The following TNKS2 variants were observed in gnomAD, a reference collection of about 807,000 sequenced individuals.
TNKS2 encodes poly [ADP-ribose] polymerase tankyrase-2.
In TNKS2, 72 loss-of-function variants were observed where a neutral mutation model predicts 137.6. The observed-to-expected ratio is 0.52, with a 90% CI of 0.43 to 0.64. The LOEUF (loss-of-function observed/expected upper bound fraction) is 0.64, where lower values mean the gene tolerates loss of function less well. Ranked by LOEUF, TNKS2 falls within the 30% of genes least tolerant of loss-of-function variation. The pLI, the probability that TNKS2 is intolerant of heterozygous loss-of-function variation, is 0.00. For missense variants in TNKS2, 1,049 were observed against 1,410.2 expected, an observed-to-expected ratio of 0.74 and a Z score of 4.10; for synonymous variants, 516 against 512.1, an observed-to-expected ratio of 1.01 and a Z score of -0.10.
intron 1 of TNKS2, chr10:91,807,129 A>C (rs1477668088): frequency 6.7e-7 from 1 of 1,490,722 alleles, no homozygotes; most frequent in Non-Finnish European, 9.3e-7. Flanking sequence ...TCTCTAATTC[A>C]AAAGATATTT....
intron 1 of TNKS2, chr10:91,807,376 G>A (rs1228198057): frequency 1.2e-6 from 2 of 1,614,036 alleles, no homozygotes; most frequent in South Asian, 1.1e-5. Context: ...GCCTTCATAG[G>A]GTCAGCGAGG....
intron 13 of TNKS2, among the ~76,000 whole-genome samples, chr10:91,839,845 G>A (rs1842154268): frequency 6.6e-6 from 1 of 152,192 alleles, no homozygotes; most frequent in Admixed American, 6.5e-5. Flanking sequence ...TTCTGACTCA[G>A]TAGATAGAGA....
chr10:91,816,828 C>T (rs753040392), intron 2 of TNKS2, among the ~76,000 whole-genome samples: 65 of 152,138 alleles, frequency 4.3e-4, no homozygotes, highest in Non-Finnish European at 7.9e-4. Context: ...TTTAAGCACA[C>T]TTGCCTTTTC....
In TNKS2 at chr10:91,830,862, G is replaced by A. The variant is rs565446627; in HGVS notation, c.1105-61G>A. On this transcript the variant is annotated intron_variant, in intron 9 of 26. Transcript: ENST00000371627. ...CTTGATTGTTCTTGATTGGAAACAC[G>A]AATGTTCTTAAAATCAGTTATGTAT... 43 of 1,330,024 alleles carry A rather than the reference G, an allele frequency of 3.2e-5. No individual in the cohort carries two copies. In the African/African-American group the frequency reaches 4.9e-4, roughly 15 times the overall value. The allele number at this position is 1,330,024 out of a possible 1,614,324, so 82.4% of individuals were successfully genotyped here.
At chr10:91,848,329 A>G in intron 18 of TNKS2, 54 bp from the exon 19 acceptor site, 1 of 1,567,414 alleles carries the variant, frequency 6.4e-7, no homozygotes, top group Non-Finnish European at 8.6e-7. Flanking sequence ...TATTAGGTAT[A>G]ATAGCATTTT....
chr10:91,825,102 TG>T (rs1845024503), intron 7 of TNKS2, among the ~76,000 whole-genome samples: 1 of 152,030 alleles, frequency 6.6e-6, no homozygotes, highest in African/African-American at 2.4e-5. Context: ...TTTTTTGTTT[TG>T]TTTTGTTTTG....
intron 16 of TNKS2, among the ~76,000 whole-genome samples, chr10:91,843,903 A>G (rs1842288543): frequency 6.6e-6 from 1 of 152,202 alleles, no homozygotes; most frequent in African/African-American, 2.4e-5. Context: ...ATGTAAGTTG[A>G]GACCTCACTG....
At chr10:91,858,896 C>A (rs999737189) in intron 24 of TNKS2, among the ~76,000 whole-genome samples, 7 of 152,098 alleles carry the variant, frequency 4.6e-5, no homozygotes, top group African/African-American at 1.7e-4. Flanking sequence ...ATAGTCCCAG[C>A]TACTCAGGAG....
chr10:91,856,362 A>C (rs1251131918), intron 23 of TNKS2, among the ~76,000 whole-genome samples: 1 of 152,198 alleles, frequency 6.6e-6, no homozygotes, highest in Non-Finnish European at 1.5e-5. Flanking sequence ...ATATGTGACA[A>C]ATGCCTTTCT....
chr10:91,807,766 G>A (rs1478815232), intron 1 of TNKS2, among the ~76,000 whole-genome samples: 1 of 152,064 alleles, frequency 6.6e-6, no homozygotes, highest in Non-Finnish European at 1.5e-5. Flanking sequence ...AGGCCGAGGC[G>A]AGCGGCTCAC....
chr10:91,812,165 G>A (rs1207611472), intron 1 of TNKS2, among the ~76,000 whole-genome samples: 3 of 151,964 alleles, frequency 2.0e-5, no homozygotes, highest in African/African-American at 7.3e-5. Flanking sequence ...TTTAACATAT[G>A]CCTGAAAGCC....
rs1179630668 is a variant in TNKS2, at chr10:91,831,130, T to C, written c.1224T>C (p.Ser408=). 3 of 1,614,044 alleles carry C rather than the reference T, an allele frequency of 1.9e-6. No individual in the cohort carries two copies. Among genetic ancestry groups the C allele is most frequent in the Non-Finnish European group, 2.5e-6 (3 of 1,179,936 alleles). The change falls in exon 11 of 27, where the codon TCT becomes TCC. Residue 408 remains serine (S), a synonymous_variant. Coordinates refer to ENST00000371627, the MANE Select transcript of TNKS2 (RefSeq NM_025235.4). Reference sequence around the variant, plus strand: ...TCTTGACTCCTCTGCACGTGGCATCTGAGAAAGCTCATAATGATGTTGTTG... The same window carrying C: ...TCTTGACTCCTCTGCACGTGGCATCCGAGAAAGCTCATAATGATGTTGTTG... The part of the protein sequence containing the change: ...KEFLTPLHVA[S]EKAHNDVVEV...
At chr10:91,830,193 C>T (rs1845197113) in intron 9 of TNKS2, among the ~76,000 whole-genome samples, 2 of 152,178 alleles carry the variant, frequency 1.3e-5, no homozygotes. Flanking sequence ...AAACAGAATC[C>T]AGAGCTGATG....
At chr10:91,848,698 A>G (rs1842456223) in intron 19 of TNKS2, 63 bp downstream of exon 19, 6 of 1,569,180 alleles carry the variant, frequency 3.8e-6, no homozygotes, top group Non-Finnish European at 5.2e-6. Flanking sequence ...GTCATTTGGG[A>G]TGCTAAAAAG....
At chr10:91,815,718 A>G (rs900711378) in intron 2 of TNKS2, among the ~76,000 whole-genome samples, 2 of 152,106 alleles carry the variant, frequency 1.3e-5, no homozygotes, top group African/African-American at 4.8e-5. Flanking sequence ...TGTAGTTACT[A>G]GAAAATGTTA....
At chr10:91,853,463 G>C (rs1032039725) in intron 21 of TNKS2, among the ~76,000 whole-genome samples, 1 of 152,062 alleles carries the variant, frequency 6.6e-6, no homozygotes, top group Non-Finnish European at 1.5e-5. Flanking sequence ...CCCCCAACCT[G>C]ATGTTAGTCA....
At position 91,826,937 on chromosome 10, in the gene TNKS2, A is replaced by G. The variant is rs182456375; in HGVS notation, c.796-80A>G. On this transcript the variant is annotated intron_variant, in intron 7 of 26. Coordinates refer to ENST00000371627, the MANE Select transcript of TNKS2 (RefSeq NM_025235.4). The stretch of plus-strand genomic sequence containing the variant: ...GGGAACATAACCTGTTTTAGCCTGT[A>G]TGATGTTAAATTACACAGTACGAAT... The G allele has an allele frequency of 3.1e-5, 39 of 1,274,928 alleles. No individual in the cohort carries two copies. The East Asian group carries it at 9.2e-4, about 30-fold the overall frequency. The allele number at this position is 1,274,928 out of a possible 1,614,324, so 79.0% of individuals were successfully genotyped here.
rs1247488516 is a variant in TNKS2 at position 91,864,405 on chromosome 10, T to C, written c.*1406T>C. On this transcript the variant is annotated 3_prime_UTR_variant, in exon 27 of 27. Coordinates refer to ENST00000371627, the MANE Select transcript of TNKS2 (RefSeq NM_025235.4). ...CATCCATTATGGCTTGGCAATCTCT[T>C]TTATTTGTTGACTCTAGCTCCCTTC... 2 of 152,574 alleles carry C rather than the reference T, an allele frequency of 1.3e-5. No homozygotes were observed. Among genetic ancestry groups the C allele is most frequent in the African/African-American group, 4.8e-5 (2 of 41,448 alleles). The allele number at this position is 152,574 out of a possible 1,614,324, so 9.5% of individuals were successfully genotyped here. A position where few individuals can be genotyped will look rare whatever the true frequency, so the allele number is the denominator to read the frequency against.
chr10:91,859,999 A>G (rs1404859716), intron 25 of TNKS2, among the ~76,000 whole-genome samples: 2 of 152,150 alleles, frequency 1.3e-5, no homozygotes, highest in African/African-American at 4.8e-5. Context: ...CAAATGCTAA[A>G]ATGGCATTAT....
Sources: gnomAD v4.1 joint callset for allele counts (sites outside exome capture counted in the v4.1 genomes callset) on GRCh38, gnomAD v4.1.1 for gene constraint, MANE v1.5 for transcripts, NCBI Gene and HGNC (gene_info 2026-07-23, HGNC 2026-07-21) for gene names.